RBM44: variants seen among roughly 807,000 people sequenced by gnomAD.
The protein encoded by RBM44 is RNA binding motif protein 44, also known as RNA-binding protein 44.
A neutral mutation model predicts 105.1 loss-of-function variants in RBM44; 66 were observed. The ratio of observed to expected loss-of-function variants is 0.63; its 90% CI spans 0.52 to 0.77. The LOEUF (loss-of-function observed/expected upper bound fraction) is 0.77. RBM44 is among the 30% of genes least tolerant of loss of function. The pLI is 0.00. For synonymous variants in RBM44, 365 were observed against 417.6 expected (o/e 0.87, Z 1.54); for missense variants, 1,122 against 1,207.8 (o/e 0.93, Z 1.05).
intron 15 of RBM44, among the ~76,000 whole-genome samples, chr2:237,839,262 G>A (rs1451442012): frequency 2.0e-5 from 3 of 152,020 alleles, no homozygotes; most frequent in Non-Finnish European, 2.9e-5. Flanking sequence ...TTGGGTGTGG[G>A]GAGGGGTTGG....
intron 1 of RBM44, among the ~76,000 whole-genome samples, chr2:237,805,594 T>C (rs372621130): frequency 1.3e-5 from 2 of 152,238 alleles, no homozygotes; most frequent in East Asian, 1.9e-4. Flanking sequence ...TCATTAGTCA[T>C]ATGCAGAAGA....
intron 4 of RBM44, among the ~76,000 whole-genome samples, 183 bp from the exon 5 acceptor site, chr2:237,819,992 A>G (rs1204130009): frequency 6.6e-6 from 1 of 152,004 alleles, no homozygotes; most frequent in East Asian, 1.9e-4. Context: ...GAATGAATAT[A>G]TTTAGCTTTA....
At chr2:237,821,524 G>A (rs919201100) in intron 7 of RBM44, among the ~76,000 whole-genome samples, 156 bp downstream of exon 7, 3 of 152,078 alleles carry the variant, frequency 2.0e-5, no homozygotes, top group African/African-American at 7.2e-5. Flanking sequence ...TTGTACAAAT[G>A]TATGGGGTAC....
chr2:237,818,908 T>A lies in RBM44; in HGVS notation c.1685T>A (p.Leu562Gln). The change falls in exon 4 of 16, where the codon CTG (leucine) becomes CAG (glutamine). Residue 562 changes from leucine (L) to glutamine (Q), a missense_variant. Transcript: ENST00000316997. This position sits in a 1 kb window ranked among gnomAD's most constrained non-coding sequence, Gnocchi z 4.6. ...PNGNFLNKDF[L>Q]ELRKACGITD... Reference sequence around the variant, plus strand: ...TTTAAATCATATTTTCAGGATTTCCTGGAATTAAGAAAAGCATGTGGTATC... The same window carrying A: ...TTTAAATCATATTTTCAGGATTTCCAGGAATTAAGAAAAGCATGTGGTATC... The A allele has an allele frequency of 6.8e-7, 1 of 1,462,258 alleles. No individual in the cohort carries two copies. The highest frequency in any genetic ancestry group is 9.3e-7 in the Non-Finnish European group (1 of 1,074,296). The allele number at this position is 1,462,258 out of a possible 1,614,324, so 90.6% of individuals were successfully genotyped here.
At chr2:237,820,878 G>A (rs1164417221) in intron 5 of RBM44, 193 bp from the exon 6 acceptor site, 9 of 469,066 alleles carry the variant, frequency 1.9e-5, no homozygotes, top group Non-Finnish European at 3.0e-5. Context: ...TAGGACCCCC[G>A]TCTCTACAAT....
At chr2:237,813,086 T>C (rs2061675128) in intron 1 of RBM44, among the ~76,000 whole-genome samples, 1 of 152,190 alleles carries the variant, frequency 6.6e-6, no homozygotes, top group African/African-American at 2.4e-5. Flanking sequence ...TAGAACATTT[T>C]TATCCCCCAT....
rs2061567847 is a variant in RBM44, at chr2:237,803,442, T to C, written c.-19+4581T>C. ...GTTGTTTAAATTTGCATTTCCCTGA[T>C]GACTAATGATGTTGAGCATGTTTTC... On this transcript the variant is annotated intron_variant, in intron 1 of 15. Transcript: ENST00000316997. This position sits in a 1 kb window ranked among gnomAD's most constrained non-coding sequence, Gnocchi z 4.2. 6.6e-6 allele frequency among the ~76,000 whole-genome samples: 1 copy of C among 152,224 alleles called. No homozygotes were observed. The highest frequency in any genetic ancestry group is 1.5e-5 in the Non-Finnish European group (1 of 68,036).
chr2:237,805,506 CAAGA>C (rs2061590119), intron 1 of RBM44, among the ~76,000 whole-genome samples: 1 of 152,034 alleles, frequency 6.6e-6, no homozygotes, highest in Admixed American at 6.6e-5. Flanking sequence ...CATATGGAAC[CAAGA>C]AAGAGCCTGA....
chr2:237,821,696 C>A, intron 7 of RBM44, 47 bp from the exon 8 acceptor site: 2 of 1,324,718 alleles, frequency 1.5e-6, no homozygotes, highest in South Asian at 2.4e-5. Flanking sequence ...TCACCTTACT[C>A]TGTTATCAAA....
At chr2:237,825,762 T>C (rs1576512021) in intron 10 of RBM44, among the ~76,000 whole-genome samples, 1 of 152,202 alleles carries the variant, frequency 6.6e-6, no homozygotes, top group East Asian at 1.9e-4. Context: ...GTATAATGTA[T>C]GTCTTCTGAT....
chr2:237,807,976 T>A (rs2061615913), intron 1 of RBM44, among the ~76,000 whole-genome samples: 1 of 152,142 alleles, frequency 6.6e-6, no homozygotes, highest in African/African-American at 2.4e-5. Context: ...AATTAAAACA[T>A]CACCAGACAT....
intron 1 of RBM44, among the ~76,000 whole-genome samples, chr2:237,808,838 T>C (rs2061626111): frequency 6.6e-6 from 1 of 152,218 alleles, no homozygotes; most frequent in Non-Finnish European, 1.5e-5. Flanking sequence ...ATTAAAACGC[T>C]ATACTTTTTG....
At chr2:237,805,325 G>A (rs2061588347) in intron 1 of RBM44, among the ~76,000 whole-genome samples, 1 of 152,150 alleles carries the variant, frequency 6.6e-6, no homozygotes, top group African/African-American at 2.4e-5. Context: ...AAGCACTGCT[G>A]AAAGAAATCA....
chr2:237,826,588 A>G (rs930619774), intron 10 of RBM44, among the ~76,000 whole-genome samples: 1 of 152,144 alleles, frequency 6.6e-6, no homozygotes, highest in Non-Finnish European at 1.5e-5. Flanking sequence ...AATGTGCATA[A>G]TGAGAGCTCT....
intron 13 of RBM44, among the ~76,000 whole-genome samples, chr2:237,832,604 G>A (rs2061914844): frequency 6.6e-6 from 1 of 152,236 alleles, no homozygotes; most frequent in South Asian, 2.1e-4. Context: ...CGTACAGGCT[G>A]TTGGTAGGAG....
chr2:237,834,182 TG>T (rs748694514), intron 14 of RBM44, 40 bp downstream of exon 14: 4 of 1,531,476 alleles, frequency 2.6e-6, no homozygotes, highest in Non-Finnish European at 3.5e-6. Context: ...TTAAAACTTC[TG>T]TGTAAAAATA....
intron 15 of RBM44, among the ~76,000 whole-genome samples, chr2:237,836,335 G>A (rs1462330376): frequency 6.6e-6 from 1 of 152,094 alleles, no homozygotes; most frequent in Non-Finnish European, 1.5e-5. Flanking sequence ...TAGAGATAGG[G>A]TCTTGCTATC....
Position 237,818,605 on chromosome 2 carries a change from A to C in RBM44, c.1677+9A>C, listed in dbSNP as rs2061749055. ...GAAATTTTCTAAATAAGGTAAAATC[A>C]ATATGAGTAATAATAAAATTTGGAC... is the stretch of plus-strand genomic sequence containing the variant. On this transcript the variant is annotated intron_variant, in intron 3 of 15. Coordinates refer to ENST00000316997, the MANE Select transcript of RBM44 (RefSeq NM_001080504.3). The surrounding 1 kb of genome is among the most constrained non-coding windows in gnomAD (Gnocchi z 4.6). 1 of 1,459,902 alleles carries C rather than the reference A, an allele frequency of 6.8e-7. No homozygotes were observed. The highest frequency in any genetic ancestry group is 1.4e-5 in the African/African-American group (1 of 69,850). 90.4% of individuals were successfully genotyped at this position (1,459,902 alleles called of 1,614,324 possible). A position where few individuals can be genotyped will look rare whatever the true frequency, so the allele number is the denominator to read the frequency against.
chr2:237,814,957 A>G (rs997221383), intron 2 of RBM44, among the ~76,000 whole-genome samples: 2 of 151,410 alleles, frequency 1.3e-5, no homozygotes, highest in Non-Finnish European at 2.9e-5. Flanking sequence ...ATTACTTGGT[A>G]GAGAAGACCA....
Sources: allele counts gnomAD v4.1 joint callset (sites outside exome capture counted in the v4.1 genomes callset), GRCh38; gene constraint gnomAD v4.1.1; non-coding constraint Gnocchi (gnomAD v3.1); transcripts MANE v1.5; gene names NCBI Gene and HGNC (gene_info 2026-07-23, HGNC 2026-07-21).